Variants in SYNGR4 observed in about 807,000 individuals in gnomAD.
SYNGR4 encodes synaptogyrin-4.
A neutral mutation model predicts 15.5 loss-of-function variants in SYNGR4; 15 were observed. That is an observed-to-expected ratio of 0.97 (90% confidence interval 0.65 to 1.49). SYNGR4 has a LOEUF of 1.49. SYNGR4 is among the 40% of genes most tolerant of loss of function. SYNGR4 has a pLI of 0.00. For synonymous variants in SYNGR4, 121 were observed against 127.4 expected, an observed-to-expected ratio of 0.95 and a Z score of 0.34; for missense variants, 292 against 299.3, an observed-to-expected ratio of 0.98 and a Z score of 0.18.
Position 48,367,547 on chromosome 19 carries a change from A to T in SYNGR4, c.93+1612A>T, listed in dbSNP as rs145414457. On this transcript the variant is annotated intron_variant, in intron 2 of 4. Transcript: ENST00000344846. Reference sequence around the variant, plus strand: ...AGGCAGGGGCAGGATTCAAACTCAGATCTGTGAGATGCCAGAGCCCATTTA... The same window carrying T: ...AGGCAGGGGCAGGATTCAAACTCAGTTCTGTGAGATGCCAGAGCCCATTTA... 1.7e-3 allele frequency among the ~76,000 whole-genome samples: 266 copies of T among 152,200 alleles called. 1 individual carries two copies. The highest frequency in any genetic ancestry group is 6.2e-3 in the African/African-American group (259 of 41,534).
intron 2 of SYNGR4, among the ~76,000 whole-genome samples, chr19:48,369,838 GAC>G (rs1970278250): frequency 6.6e-6 from 1 of 152,194 alleles, no homozygotes. Flanking sequence ...AGCAGGGCCA[GAC>G]ACACCCCCTC....
At position 48,375,677 on chromosome 19, in the gene SYNGR4, G is replaced by A. The variant is rs201883521; in HGVS notation, c.396G>A (p.Pro132=). The change falls in exon 4 of 5, where the codon CCG becomes CCA. Residue 132 remains proline, a synonymous_variant. Transcript: ENST00000344846. The part of the protein sequence containing the change: ...CFLANQWQHS[P]PKEFLLGSSS... ...TGGCCAACCAATGGCAGCATTCGCC[G>A]CCCAAAGAGTTCCTCCTGGGGAGCA... 11 of 1,613,876 alleles carry A rather than the reference G, an allele frequency of 6.8e-6. No individual in the cohort carries two copies. The highest frequency in any genetic ancestry group is 3.3e-5 in the Admixed American group (2 of 59,992).
At chr19:48,365,047 A>G (rs1337561374) in intron 1 of SYNGR4, among the ~76,000 whole-genome samples, 2 of 90,646 alleles carry the variant, frequency 2.2e-5, no homozygotes, top group Admixed American at 1.1e-4. Context: ...CCCCAGAATC[A>G]CCCTCACCCC....
chr19:48,375,612 G>T lies in SYNGR4; in HGVS notation c.332-1G>T, dbSNP rs1195599116. The stretch of plus-strand genomic sequence containing the variant: ...CCTTTTCTCTCCCTGTGACGCCACA[G>T]TTCTCTGGGCAGTTGTCTGGTTCAT... On this transcript the variant is annotated splice_acceptor_variant, in intron 3 of 4. Coordinates refer to ENST00000344846, the MANE Select transcript of SYNGR4 (RefSeq NM_012451.4). LOFTEE classifies it high-confidence loss of function. 3.7e-6 allele frequency: 6 copies of T among 1,611,356 alleles called. No homozygotes were observed. The highest frequency in any genetic ancestry group is 3.3e-5 in the Admixed American group (2 of 59,958).
In SYNGR4 at chr19:48,367,649, G is replaced by A. The variant is rs1039520176; in HGVS notation, c.93+1714G>A. On this transcript the variant is annotated intron_variant, in intron 2 of 4. Coordinates refer to ENST00000344846, the MANE Select transcript of SYNGR4 (RefSeq NM_012451.4). ...GGCTTCTAGGAAGAGAATAAGGAGT[G>A]CAGCCCTGAAGTGCCAGATGTTGGG... 3.7e-4 allele frequency among the ~76,000 whole-genome samples: 57 copies of A among 152,146 alleles called. 1 individual carries two copies. The highest frequency in any genetic ancestry group is 2.1e-4 in the Non-Finnish European group (14 of 68,022).
rs781232935 is a variant in SYNGR4, at chr19:48,365,913, C to T, written c.71C>T (p.Thr24Ile). The T allele has an allele frequency of 1.9e-6, 3 of 1,613,818 alleles. No individual in the cohort carries two copies. The highest frequency in any genetic ancestry group is 2.5e-6 in the Non-Finnish European group (3 of 1,179,982). The change falls in exon 2 of 5, where the codon ACC becomes ATC. Residue 24 changes from threonine to isoleucine, a missense_variant. Transcript: ENST00000344846. ...GTGCAGTTTCTGAGAAGGCCCAAGA[C>T]CATCACGCGGGTCTTCGAAGGGGTG... is the stretch of plus-strand genomic sequence containing the variant. ...EAVQFLRRPKTITRVFEGVFS... is the reference protein window; with the variant it reads ...EAVQFLRRPKIITRVFEGVFS...
chr19:48,367,229 G>T (rs1256626506), intron 2 of SYNGR4, among the ~76,000 whole-genome samples: 1 of 151,748 alleles, frequency 6.6e-6, no homozygotes, highest in African/African-American at 2.4e-5. Flanking sequence ...TGAGGAGATC[G>T]AGACCATCCT....
intron 2 of SYNGR4, among the ~76,000 whole-genome samples, chr19:48,370,391 G>C (rs893224619): frequency 1.3e-5 from 2 of 152,084 alleles, no homozygotes; most frequent in Admixed American, 6.6e-5. Flanking sequence ...GCTGAGGTGG[G>C]AGGATTGCTT....
chr19:48,367,655 CT>C (rs1165153560), intron 2 of SYNGR4, among the ~76,000 whole-genome samples: 4 of 152,126 alleles, frequency 2.6e-5, no homozygotes, highest in African/African-American at 9.7e-5. Context: ...GAGTGCAGCC[CT>C]GAAGTGCCAG....
Position 48,365,955 on chromosome 19 carries a change from C to A in SYNGR4, c.93+20C>A. On this transcript the variant is annotated intron_variant, in intron 2 of 4. Transcript: ENST00000344846. ...GAAGGGGTGAGGCCCTCCCATGGCC[C>A]GACTGTGCCCCTGGGTGACAGGAGC... The A allele has an allele frequency of 6.2e-7, 1 of 1,611,758 alleles. No individual in the cohort carries two copies. The highest frequency in any genetic ancestry group is 1.1e-5 in the South Asian group (1 of 91,056).
chr19:48,365,655 A>AC, intron 1 of SYNGR4, 81 bp from the exon 2 acceptor site: 1 of 29,430 alleles, frequency 3.4e-5, no homozygotes, highest in African/African-American at 3.2e-4. Flanking sequence ...TCCCCACCCC[A>AC]TGTCCCCCAA....
At chr19:48,374,445 T>G (rs2147410870) in intron 3 of SYNGR4, among the ~76,000 whole-genome samples, 1 of 152,200 alleles carries the variant, frequency 6.6e-6, no homozygotes, top group Admixed American at 6.5e-5. Context: ...GCACAAAATG[T>G]GTGTCCTTCT....
rs577476564 is a variant in SYNGR4, at chr19:48,366,367, G to C, written c.93+432G>C. On this transcript the variant is annotated intron_variant, in intron 2 of 4. Coordinates refer to ENST00000344846, the MANE Select transcript of SYNGR4 (RefSeq NM_012451.4). ...ATCATACCACTGCACTCCAGCCCAG[G>C]CAACAGAGCCAGACTCCATCTCAAA... Among the ~76,000 whole-genome samples, 14 of 148,412 alleles carry C rather than the reference G, an allele frequency of 9.4e-5. No homozygotes were observed. The South Asian group carries it at 2.3e-3, about 25-fold the overall frequency.
At chr19:48,365,196 A>AC (rs1362327011) in intron 1 of SYNGR4, among the ~76,000 whole-genome samples, 27 of 144,160 alleles carry the variant, frequency 1.9e-4, no homozygotes, top group African/African-American at 6.8e-4. Context: ...CTTGCCTGGG[A>AC]CCCCTAGTAT....
In SYNGR4 at chr19:48,373,690, GGA is replaced by G. The variant is rs774246876; in HGVS notation, c.270_271del (p.Glu90AspfsTer81). On this transcript the variant is annotated frameshift_variant, in exon 3 of 5. Transcript: ENST00000344846. LOFTEE classifies it high-confidence loss of function. ...CLAFLVLDTQETRIAGTRFKT... is the reference protein window; with the variant it reads ...CLAFLVLDTQXTRIAGTRFKT... ...TGGCCTTCCTCGTCCTGGACACACAGGAGACCCGCATTGCCGGCACCCGCTTC... is the reference window on the plus strand; with the variant it reads ...TGGCCTTCCTCGTCCTGGACACACAGGACCCGCATTGCCGGCACCCGCTTC... 1.2e-6 allele frequency: 2 copies of G among 1,613,996 alleles called. No individual in the cohort carries two copies. The highest frequency in any genetic ancestry group is 1.7e-6 in the Non-Finnish European group (2 of 1,180,032).
intron 2 of SYNGR4, among the ~76,000 whole-genome samples, chr19:48,372,374 G>C (rs984601220): frequency 3.5e-4 from 53 of 152,084 alleles, no homozygotes; most frequent in African/African-American, 1.1e-3. Flanking sequence ...GGCCGGGCGT[G>C]GTGGCTCACG....
rs376987626 is a variant in SYNGR4 at position 48,376,227 on chromosome 19, G to A, written c.614G>A (p.Gly205Asp). The A allele has an allele frequency of 5.5e-5, 88 of 1,613,866 alleles. No individual in the cohort carries two copies. In the Middle Eastern group the frequency reaches 8.2e-4, roughly 15 times the overall value. Residue 205 changes from glycine to aspartate, a missense_variant, in exon 5 of 5, where the codon GGC becomes GAC. Coordinates refer to ENST00000344846, the MANE Select transcript of SYNGR4 (RefSeq NM_012451.4). ...ANSPVNMPTT[G>D]PNSLSYASSA... ...AGCCCTGTGAACATGCCCACCACTG[G>A]CCCCAACAGCCTGAGTTATGCTAGC...
intron 4 of SYNGR4, 138 bp from the exon 5 acceptor site, chr19:48,375,947 T>G (rs930613501): frequency 9.1e-6 from 14 of 1,531,120 alleles, no homozygotes; most frequent in Middle Eastern, 2.0e-4. Context: ...GGCCTGTGCT[T>G]TGGCCTAGGG....
chr19:48,364,808 C>A (rs947646286), intron 1 of SYNGR4, among the ~76,000 whole-genome samples: 2 of 151,960 alleles, frequency 1.3e-5, no homozygotes, highest in Non-Finnish European at 2.9e-5. Context: ...GGCCGCACCC[C>A]CTAGTCCCCA....
Sources: gnomAD v4.1 joint callset for allele counts (sites outside exome capture counted in the v4.1 genomes callset) on GRCh38, gnomAD v4.1.1 for gene constraint, MANE v1.5 for transcripts, NCBI Gene and HGNC (gene_info 2026-07-23, HGNC 2026-07-21) for gene names.